The following LIPK variants were observed in gnomAD, a reference collection of about 807,000 sequenced individuals.
LIPK encodes the protein lipase member K.
LIPK carries 32 observed loss-of-function variants against 48.6 expected under a neutral mutation model. That is an observed-to-expected ratio of 0.66 (90% CI 0.50 to 0.88). The LOEUF is 0.88. LIPK is among the 40% of genes least tolerant of loss of function. LIPK has a pLI of 0.00. For missense variants in LIPK, 507 were observed against 478.5 expected (o/e 1.06, Z -0.56); for synonymous variants, 164 against 157.4 (o/e 1.04, Z -0.32).
At chr10:88,707,129 G>A (rs563955305) in intron 1 of LIPK, among the ~76,000 whole-genome samples, 1 of 152,062 alleles carries the variant, frequency 6.6e-6, no homozygotes, top group Admixed American at 6.6e-5. Context: ...GTTATCCTTT[G>A]TTTTCTTTTT....
At chr10:88,743,184 C>T in intron 8 of LIPK, 66 bp from the exon 9 acceptor site, 2 of 1,070,268 alleles carry the variant, frequency 1.9e-6, no homozygotes, top group Non-Finnish European at 2.8e-6. Flanking sequence ...TTGTATATTT[C>T]TTCTGTACTG....
At chr10:88,723,936 T>C (rs1047057754) in intron 1 of LIPK, among the ~76,000 whole-genome samples, 2 of 152,150 alleles carry the variant, frequency 1.3e-5, no homozygotes, top group Non-Finnish European at 2.9e-5. Flanking sequence ...ACCCATAATT[T>C]AGGTCAACAG....
intron 1 of LIPK, among the ~76,000 whole-genome samples, chr10:88,710,326 T>C (rs1270438498): frequency 6.6e-6 from 1 of 152,194 alleles, no homozygotes; most frequent in Admixed American, 6.6e-5. Flanking sequence ...AAATTCCTAG[T>C]AATTACAGCA....
intron 1 of LIPK, among the ~76,000 whole-genome samples, chr10:88,710,176 CAT>C (rs1453179744): frequency 1.3e-5 from 2 of 151,824 alleles, no homozygotes; most frequent in Non-Finnish European, 2.9e-5. Context: ...TAATTGAAAA[CAT>C]GTTTTTAATT....
intron 1 of LIPK, among the ~76,000 whole-genome samples, chr10:88,716,161 TATAAG>T (rs1842113237): frequency 6.6e-6 from 1 of 152,108 alleles, no homozygotes; most frequent in Non-Finnish European, 1.5e-5. Flanking sequence ...AGTATAATGA[TATAAG>T]ATATTAGGAA....
chr10:88,707,664 C>G (rs1841960420), intron 1 of LIPK, among the ~76,000 whole-genome samples: 1 of 152,102 alleles, frequency 6.6e-6, no homozygotes, highest in Non-Finnish European at 1.5e-5. Context: ...AAAATTCCAT[C>G]AAAGTTGCCT....
intron 3 of LIPK, among the ~76,000 whole-genome samples, chr10:88,729,256 G>GAT (rs1554955636): frequency 8.9e-6 from 1 of 112,152 alleles, no homozygotes; most frequent in East Asian, 3.3e-4. Flanking sequence ...ATCTGTTGGG[G>GAT]GGGGGGGGCG....
chr10:88,733,767 G>T (rs570350548), intron 6 of LIPK, among the ~76,000 whole-genome samples: 1 of 152,172 alleles, frequency 6.6e-6, no homozygotes, highest in Non-Finnish European at 1.5e-5. Context: ...ATACCCTGAC[G>T]TGTGTAGGAC....
At chr10:88,736,354 A>G (rs910694861) in intron 6 of LIPK, among the ~76,000 whole-genome samples, 1 of 152,202 alleles carries the variant, frequency 6.6e-6, no homozygotes, top group African/African-American at 2.4e-5. Flanking sequence ...TTTTATCTCA[A>G]TCACTAGGAC....
chr10:88,714,453 G>A (rs369615227), intron 1 of LIPK, among the ~76,000 whole-genome samples: 32 of 152,106 alleles, frequency 2.1e-4, no homozygotes, highest in African/African-American at 7.2e-4. Flanking sequence ...CTGTAAAATC[G>A]TCGATGAGTG....
chr10:88,747,065 G>A (rs1054778199), intron 9 of LIPK, among the ~76,000 whole-genome samples: 1 of 152,066 alleles, frequency 6.6e-6, no homozygotes, highest in Non-Finnish European at 1.5e-5. Flanking sequence ...ATTAAATCAG[G>A]AAGCAATTGA....
At chr10:88,708,772 C>G (rs568510864) in intron 1 of LIPK, among the ~76,000 whole-genome samples, 2 of 151,986 alleles carry the variant, frequency 1.3e-5, no homozygotes, top group South Asian at 4.2e-4. Context: ...TATTCTCATT[C>G]CAGTCATTTC....
chr10:88,723,442 G>T (rs1344239205), intron 1 of LIPK, among the ~76,000 whole-genome samples: 2 of 152,056 alleles, frequency 1.3e-5, no homozygotes, highest in Non-Finnish European at 2.9e-5. Flanking sequence ...AGCAGGGAGG[G>T]TGTATTTTCT....
At chr10:88,725,702 C>G (rs1301315953) in intron 2 of LIPK, among the ~76,000 whole-genome samples, 1 of 152,162 alleles carries the variant, frequency 6.6e-6, no homozygotes, top group Admixed American at 6.5e-5. Context: ...TCTCAAAGGC[C>G]TCTTATAAGT....
In LIPK at chr10:88,720,873, A is replaced by AT. The variant is rs1472731283; in HGVS notation, c.-11-3657dup. Among the ~76,000 whole-genome samples, 7 of 152,028 alleles carry AT rather than the reference A, an allele frequency of 4.6e-5. No homozygotes were observed. The East Asian group carries it at 1.2e-3, about 25-fold the overall frequency. On this transcript the variant is annotated intron_variant, in intron 1 of 9. Coordinates refer to ENST00000404190, the MANE Select transcript of LIPK (RefSeq NM_001080518.2). ...TGTAGGATGGCAATGTGAAAAGCTG[A>AT]TTTACAGTGATAAATCAATAAAATC...
intron 1 of LIPK, among the ~76,000 whole-genome samples, chr10:88,719,457 G>A (rs185456966): frequency 1.3e-5 from 2 of 152,342 alleles, no homozygotes; most frequent in East Asian, 3.9e-4. Flanking sequence ...TTGAAGCTCT[G>A]ACAGCTGCAT....
At chr10:88,739,116 T>G (rs940070629) in intron 7 of LIPK, among the ~76,000 whole-genome samples, 5 of 152,186 alleles carry the variant, frequency 3.3e-5, no homozygotes, top group Non-Finnish European at 7.3e-5. Context: ...TTTGTTTTTG[T>G]TTTTGTTCTT....
chr10:88,724,710 G>T, intron 2 of LIPK, 62 bp downstream of exon 2: 2 of 1,164,624 alleles, frequency 1.7e-6, no homozygotes, highest in Non-Finnish European at 2.4e-6. Flanking sequence ...CAGCATTTTA[G>T]ATACAACTGG....
chr10:88,719,744 C>G (rs563190573), intron 1 of LIPK, among the ~76,000 whole-genome samples: 3 of 152,174 alleles, frequency 2.0e-5, no homozygotes, highest in Non-Finnish European at 2.9e-5. Flanking sequence ...GTTAAGAATG[C>G]TCTCCAAGCA....
Sources: allele counts gnomAD v4.1 joint callset (sites outside exome capture counted in the v4.1 genomes callset), GRCh38; gene constraint gnomAD v4.1.1; transcripts MANE v1.5; gene names NCBI Gene and HGNC (gene_info 2026-07-23, HGNC 2026-07-21).